NKAIN1: variants seen among roughly 807,000 people sequenced by gnomAD.
NKAIN1 encodes the protein sodium/potassium transporting ATPase interacting 1.
A neutral mutation model predicts 31.6 loss-of-function variants in NKAIN1; 13 were observed. The observed-to-expected ratio is 0.41, with a 90% CI of 0.27 to 0.65. The LOEUF (loss-of-function observed/expected upper bound fraction) is 0.65. NKAIN1 is among the 30% of genes least tolerant of loss of function. The pLI is 0.30. For missense variants in NKAIN1, 193 were observed against 262.2 expected (o/e 0.74, Z 1.82); for synonymous variants, 104 against 109.0 (o/e 0.95, Z 0.28).
chr1:31,191,400 GTTTTTT>G (rs34521416), intron 1 of NKAIN1, among the ~76,000 whole-genome samples: 2 of 134,136 alleles, frequency 1.5e-5, no homozygotes, highest in African/African-American at 2.8e-5. Context: ...ACAGAGAGAG[GTTTTTT>G]TTTTTTTTTT....
At chr1:31,192,748 C>T (rs1290268175) in intron 1 of NKAIN1, among the ~76,000 whole-genome samples, 2 of 152,040 alleles carry the variant, frequency 1.3e-5, no homozygotes, top group African/African-American at 2.4e-5. Flanking sequence ...AACAGGGTCT[C>T]GCCCTGTTGC....
chr1:31,185,433 A>T (rs1645234978), intron 2 of NKAIN1, 106 bp from the exon 3 acceptor site: 2 of 844,474 alleles, frequency 2.4e-6, no homozygotes, highest in African/African-American at 1.7e-5. Flanking sequence ...AGGGGAAATT[A>T]TGAGAATACC....
At position 31,185,788 on chromosome 1, in the gene NKAIN1, G is replaced by C. The variant is rs1645237005; in HGVS notation, c.193-461C>G. ...GGGATGTTTAAAAGGGATTGCTTAAGCAATCCCTAGGAGATTGTGACTCAG... is the reference window on the plus strand; with the variant it reads ...GGGATGTTTAAAAGGGATTGCTTAACCAATCCCTAGGAGATTGTGACTCAG... On this transcript the variant is annotated intron_variant, in intron 2 of 6. Transcript: ENST00000373736. Among the ~76,000 whole-genome samples, 3 of 152,280 alleles carry C rather than the reference G, an allele frequency of 2.0e-5. No individual in the cohort carries two copies. In the South Asian group the frequency reaches 6.2e-4, roughly 32 times the overall value.
At chr1:31,226,225 A>G (rs1441240224) in intron 1 of NKAIN1, among the ~76,000 whole-genome samples, 1 of 152,232 alleles carries the variant, frequency 6.6e-6, no homozygotes, top group East Asian at 1.9e-4. Flanking sequence ...CCAGGATTTG[A>G]ACCCACTATG....
At chr1:31,217,677 A>C (rs1645523737) in intron 1 of NKAIN1, among the ~76,000 whole-genome samples, 1 of 152,192 alleles carries the variant, frequency 6.6e-6, no homozygotes, top group Admixed American at 6.5e-5. Flanking sequence ...TTACACGCCC[A>C]GTCTCCATCC....
rs968870576 is a variant in NKAIN1, at chr1:31,181,447, A to C, written c.*256T>G. 4.7e-5 allele frequency: 19 copies of C among 403,796 alleles called. No homozygotes were observed. The highest frequency in any genetic ancestry group is 8.3e-5 in the Non-Finnish European group (19 of 228,568). 25.0% of individuals were successfully genotyped at this position (403,796 alleles called of 1,614,324 possible). ...GCTGAGATTAAAAACAAACAAACAA[A>C]AAACAAAAAACCCGTGGTGCCCCTC... On this transcript the variant is annotated 3_prime_UTR_variant, in exon 7 of 7. Coordinates refer to ENST00000373736, the MANE Select transcript of NKAIN1 (RefSeq NM_024522.3).
At chr1:31,184,413 A>T (rs1173769910) in intron 3 of NKAIN1, among the ~76,000 whole-genome samples, 1 of 152,194 alleles carries the variant, frequency 6.6e-6, no homozygotes, top group Non-Finnish European at 1.5e-5. Flanking sequence ...GGCCTAGATC[A>T]GAAGTTCTTA....
intron 1 of NKAIN1, among the ~76,000 whole-genome samples, chr1:31,219,550 T>C (rs1360173352): frequency 6.6e-6 from 1 of 152,202 alleles, no homozygotes; most frequent in African/African-American, 2.4e-5. Context: ...TCCTGTGGAC[T>C]GCCCGCCCTG....
chr1:31,200,945 G>T (rs963434426), intron 1 of NKAIN1, among the ~76,000 whole-genome samples: 2 of 151,450 alleles, frequency 1.3e-5, no homozygotes, highest in Non-Finnish European at 2.9e-5. Context: ...GCAATTCTCT[G>T]CCTCAGCCTC....
intron 1 of NKAIN1, among the ~76,000 whole-genome samples, chr1:31,237,913 A>C (rs1363495110): frequency 6.6e-6 from 1 of 152,248 alleles, no homozygotes; most frequent in African/African-American, 2.4e-5. Flanking sequence ...TTAAAAAATT[A>C]ACAAACACAG....
chr1:31,182,298 G>T (rs529420016), intron 5 of NKAIN1, among the ~76,000 whole-genome samples: 1 of 152,278 alleles, frequency 6.6e-6, no homozygotes, highest in South Asian at 2.1e-4. Context: ...ATGGGGTGGG[G>T]CGAGATTGGG....
intron 1 of NKAIN1, among the ~76,000 whole-genome samples, chr1:31,198,962 C>T (rs1196839696): frequency 6.6e-6 from 1 of 152,228 alleles, no homozygotes; most frequent in South Asian, 2.1e-4. Flanking sequence ...GCGTAGGGCC[C>T]AGGCTCAGGG....
chr1:31,195,920 C>T (rs981241563), intron 1 of NKAIN1, among the ~76,000 whole-genome samples: 5 of 151,348 alleles, frequency 3.3e-5, no homozygotes, highest in Non-Finnish European at 7.4e-5. Context: ...AGCTTCTTAC[C>T]ACCTTGCAGC....
chr1:31,212,402 CTT>C (rs1168039154), intron 1 of NKAIN1, among the ~76,000 whole-genome samples: 6 of 61,088 alleles, frequency 9.8e-5, no homozygotes, highest in African/African-American at 1.6e-4. Context: ...GTAATAGTTT[CTT>C]TTTTTTTTTT....
intron 1 of NKAIN1, among the ~76,000 whole-genome samples, chr1:31,195,707 A>C (rs1364521063): frequency 6.6e-6 from 1 of 151,634 alleles, no homozygotes; most frequent in Non-Finnish European, 1.5e-5. Flanking sequence ...AGACTGCTTG[A>C]GCTCAGGAGT....
Position 31,183,911 on chromosome 1 carries a change from G to A in NKAIN1, c.377C>T (p.Ala126Val). The stretch of plus-strand genomic sequence containing the variant: ...AGAGATGACATGGTGGTCCTCCAGA[G>A]CCAGGCGGGAGTTCAGAACAGGTGT... The part of the protein sequence containing the change: ...LVTPVLNSRL[A>V]LEDHHVISVT... The change falls in exon 4 of 7, where the codon GCT (alanine) becomes GTT (valine). Residue 126 changes from alanine to valine, a missense_variant. Coordinates refer to ENST00000373736, the MANE Select transcript of NKAIN1 (RefSeq NM_024522.3). The A allele has an allele frequency of 6.2e-7, 1 of 1,614,122 alleles. No individual in the cohort carries two copies.
Position 31,188,074 on chromosome 1 carries a change from C to A in NKAIN1, c.168G>T (p.Gln56His). ...CCAGGATGAGGTACCGGGAGCGGTA[C>A]TGCACGGTGCCAAAGATGCCCAGGA... ...AVILGIFGTV[Q>H]YRSRYLILYA... The change falls in exon 2 of 7, where the codon CAG becomes CAT. Residue 56 changes from glutamine (Q) to histidine (H), a missense_variant. Physicochemically the swap from Gln to His is conservative, Grantham distance 24 (BLOSUM62 0). Coordinates refer to ENST00000373736, the MANE Select transcript of NKAIN1 (RefSeq NM_024522.3). 1 of 1,553,940 alleles carries A rather than the reference C, an allele frequency of 6.4e-7. No homozygotes were observed. Among genetic ancestry groups the A allele is most frequent in the Non-Finnish European group, 8.7e-7 (1 of 1,148,348 alleles).
chr1:31,215,666 A>G (rs1490802931), intron 1 of NKAIN1, among the ~76,000 whole-genome samples: 1 of 152,076 alleles, frequency 6.6e-6, no homozygotes, highest in East Asian at 1.9e-4. Flanking sequence ...AATCCATCGT[A>G]TATGAGGGAT....
At chr1:31,199,809 C>T (rs1645362969) in intron 1 of NKAIN1, among the ~76,000 whole-genome samples, 1 of 152,198 alleles carries the variant, frequency 6.6e-6, no homozygotes, top group South Asian at 2.1e-4. Context: ...TGAGCACCTA[C>T]AATGTGCCGG....
Sources: allele counts gnomAD v4.1 joint callset (sites outside exome capture counted in the v4.1 genomes callset), GRCh38; gene constraint gnomAD v4.1.1; transcripts MANE v1.5; gene names NCBI Gene and HGNC (gene_info 2026-07-23, HGNC 2026-07-21).